DNAH3: variants seen among roughly 807,000 people sequenced by gnomAD.
DNAH3 encodes axonemal beta dynein heavy chain 3.
DNAH3 carries 332 observed loss-of-function variants against 432.5 expected under a neutral mutation model. The ratio of observed to expected loss-of-function variants is 0.77; its 90% CI spans 0.70 to 0.84. The LOEUF (loss-of-function observed/expected upper bound fraction) is 0.84. Among genes scored for constraint, DNAH3 ranks in the 40% least tolerant of loss-of-function variants. The probability of loss-of-function intolerance (pLI) is 0.00; values close to 1 mark genes in which losing one functional copy is unlikely to be tolerated. For synonymous variants in DNAH3, 1,956 were observed against 1,900.2 expected, an observed-to-expected ratio of 1.03 and a Z score of -0.76; for missense variants, 4,861 against 5,114.0, an observed-to-expected ratio of 0.95 and a Z score of 1.51.
At chr16:21,136,543 T>C (rs767568960) in intron 5 of DNAH3, 30 bp from the exon 7 acceptor site, 12 of 1,603,692 alleles carry the variant, frequency 7.5e-6, no homozygotes, top group African/African-American at 6.7e-5. Context: ...AGCGAGAAAA[T>C]GGTCATGATT....
chr16:21,052,252 A>G (rs1394434982), intron 28 of DNAH3, among the ~76,000 whole-genome samples: 2 of 152,156 alleles, frequency 1.3e-5, no homozygotes, highest in Non-Finnish European at 2.9e-5. Context: ...TCGGCCTCCC[A>G]AAGTGCTGAG....
intron 58 of DNAH3, among the ~76,000 whole-genome samples, chr16:20,943,991 A>AG (rs2083929333): frequency 2.0e-5 from 3 of 151,960 alleles, no homozygotes; most frequent in African/African-American, 4.8e-5. Flanking sequence ...CTCAAAAAAA[A>AG]AAAAGAAAAG....
exon 54 of DNAH3, chr16:20,959,244 C>G: frequency 6.2e-7 from 1 of 1,614,206 alleles, no homozygotes; most frequent in Non-Finnish European, 8.5e-7. Flanking sequence ...GGGTAGGCAT[C>G]CAGCTTGCGG....
intron 15 of DNAH3, among the ~76,000 whole-genome samples, chr16:21,105,306 CT>C (rs911508928): frequency 4.6e-5 from 7 of 152,174 alleles, no homozygotes; most frequent in African/African-American, 1.7e-4. Context: ...TAGAAAATGG[CT>C]TGTTGAGAGG....
At chr16:20,953,641 C>A (rs889894969) in intron 55 of DNAH3, among the ~76,000 whole-genome samples, 1 of 151,970 alleles carries the variant, frequency 6.6e-6, no homozygotes, top group Non-Finnish European at 1.5e-5. Context: ...GTATGATCTC[C>A]CTTCACTGCA....
At chr16:20,948,709 C>G (rs1206883238) in intron 56 of DNAH3, 72 bp from the exon 57 acceptor site, 2 of 1,528,056 alleles carry the variant, frequency 1.3e-6, no homozygotes, top group Admixed American at 3.5e-5. Flanking sequence ...TGATGTAAAA[C>G]ACGGCATTCT....
At chr16:21,022,286 C>A (rs2088278184) in intron 39 of DNAH3, among the ~76,000 whole-genome samples, 186 bp from the exon 40 acceptor site, 1 of 152,200 alleles carries the variant, frequency 6.6e-6, no homozygotes, top group Non-Finnish European at 1.5e-5. Context: ...GGTCCTAAGA[C>A]TGTTGCCCAC....
chr16:20,988,062 C>T lies in DNAH3; in HGVS notation c.6605G>A (p.Arg2202Gln), dbSNP rs1166904466. Residue 2202 changes from arginine (R) to glutamine (Q), a missense_variant, in exon 45 of 62, where the codon CGA becomes CAA. Arg to Gln is a conservative substitution (Grantham distance 43). Transcript: ENST00000261383. Reference sequence around the variant, plus strand: ...AATGATATTCAGATGGCGAGTGAATCGTCCTGGGGAATACAACACACAAGT... The same window carrying T: ...AATGATATTCAGATGGCGAGTGAATTGTCCTGGGGAATACAACACACAAGT... 1.2e-6 allele frequency: 2 copies of T among 1,613,956 alleles called. No homozygotes were observed. Among genetic ancestry groups the T allele is most frequent in the African/African-American group, 1.3e-5 (1 of 75,050 alleles).
In DNAH3 at chr16:21,082,723, GGAGGCTGAGGCAAAA is replaced by G. The variant is rs549359701; in HGVS notation, c.2878-1011_2878-997del. ...AGGTGCCTGCAATCCCAGCTACTTG[GGAGGCTGAGGCAAAA>G]GAACAGCTTGAACCGGGAGGTGGAG... On this transcript the variant is annotated intron_variant, in intron 19 of 61. Transcript: ENST00000261383. Among the ~76,000 whole-genome samples the G allele has an allele frequency of 1.7e-4, 26 of 152,030 alleles. No individual in the cohort carries two copies. The South Asian group carries it at 5.2e-3, about 30-fold the overall frequency.
chr16:21,069,561 T>G (rs758321154), exon 23 of DNAH3: 2 of 1,611,400 alleles, frequency 1.2e-6, no homozygotes, highest in African/African-American at 1.3e-5. Context: ...GCATCCAAAT[T>G]GTCTTGTATG....
chr16:21,155,406 A>G (rs2092891310), intron 1 of DNAH3, among the ~76,000 whole-genome samples: 1 of 151,980 alleles, frequency 6.6e-6, no homozygotes, highest in African/African-American at 2.4e-5. Context: ...GGCGGATCAC[A>G]AAGTCAGGAG....
chr16:21,042,277 C>G, intron 31 of DNAH3, 74 bp from the exon 32 acceptor site: 1 of 1,442,572 alleles, frequency 6.9e-7, no homozygotes, highest in Non-Finnish European at 9.3e-7. Flanking sequence ...CGGAGTCCTC[C>G]CACATAGCAA....
At chr16:20,966,314 C>T (rs1423792415) in intron 52 of DNAH3, among the ~76,000 whole-genome samples, 5 of 151,858 alleles carry the variant, frequency 3.3e-5, no homozygotes, top group African/African-American at 1.2e-4. Context: ...GCTGGGATTA[C>T]AGGTATGGGC....
chr16:21,134,566 C>T (rs752804355), intron 6 of DNAH3, 112 bp from the exon 8 acceptor site: 1 of 978,364 alleles, frequency 1.0e-6, no homozygotes, highest in Non-Finnish European at 1.5e-6. Flanking sequence ...CTAAGTTGGC[C>T]AGGCTGGTCT....
At chr16:21,022,276 G>A (rs140723752) in intron 39 of DNAH3, among the ~76,000 whole-genome samples, 176 bp from the exon 40 acceptor site, 16 of 152,202 alleles carry the variant, frequency 1.1e-4, no homozygotes, top group African/African-American at 3.9e-4. Context: ...CCTCCTTCAG[G>A]GTCCTAAGAC....
chr16:20,984,029 G>GAA (rs61475224), intron 48 of DNAH3, among the ~76,000 whole-genome samples: 36,201 of 111,808 alleles, frequency 0.32, 5,676 homozygotes, highest in South Asian at 0.39. Context: ...CCTATATCCA[G>GAA]AAAAAAAAAA....
At chr16:21,058,321 C>A in intron 26 of DNAH3, 125 bp from the exon 27 acceptor site, 1 of 556,770 alleles carries the variant, frequency 1.8e-6, no homozygotes. Context: ...TCCTCAGACG[C>A]TACAAGGCTT....
At chr16:21,153,489 C>G (rs1175635169) in intron 1 of DNAH3, among the ~76,000 whole-genome samples, 1 of 152,198 alleles carries the variant, frequency 6.6e-6, no homozygotes, top group Non-Finnish European at 1.5e-5. Flanking sequence ...CTCTACCAAT[C>G]AGCAGGATGT....
intron 28 of DNAH3, 131 bp from the exon 29 acceptor site, chr16:21,051,999 A>ATTTTAT: frequency 2.7e-6 from 2 of 744,542 alleles, no homozygotes; most frequent in Non-Finnish European, 4.2e-6. Flanking sequence ...ATTTTATTTT[A>ATTTTAT]TTTATTTTTT....
Sources: gnomAD v4.1 joint callset for allele counts (sites outside exome capture counted in the v4.1 genomes callset) on GRCh38, gnomAD v4.1.1 for gene constraint, MANE v1.5 for transcripts, NCBI Gene and HGNC (gene_info 2026-07-23, HGNC 2026-07-21) for gene names.